The following AKR1C3 variants were observed in gnomAD, a reference collection of about 807,000 sequenced individuals.
The protein encoded by AKR1C3 is aldo-keto reductase family 1 member C3.
In AKR1C3, 48 loss-of-function variants were observed where a neutral mutation model predicts 43.6. The observed-to-expected ratio is 1.10, with a 90% CI of 0.87 to 1.40. The LOEUF (loss-of-function observed/expected upper bound fraction) is 1.40. Among genes scored for constraint, AKR1C3 ranks in the 40% most tolerant of loss-of-function variants. AKR1C3 has a pLI of 0.00. For synonymous variants in AKR1C3, 162 were observed against 139.6 expected, an observed-to-expected ratio of 1.16 and a Z score of -1.13; for missense variants, 482 against 391.2, an observed-to-expected ratio of 1.23 and a Z score of -1.96.
At chr10:5,079,083 C>T (rs1838776288) in intron 1 of AKR1C3, among the ~76,000 whole-genome samples, 1 of 152,180 alleles carries the variant, frequency 6.6e-6, no homozygotes, top group East Asian at 1.9e-4. Context: ...TGTACTTGTT[C>T]TGAGTTGCAC....
rs782149958 is a variant in AKR1C3 at position 5,096,461 on chromosome 10, T to A, written c.136T>A (p.Phe46Ile). 1.2e-6 allele frequency: 2 copies of A among 1,613,796 alleles called. No homozygotes were observed. The highest frequency in any genetic ancestry group is 1.7e-6 in the Non-Finnish European group (2 of 1,179,734). Reference protein sequence around the residue: ...EVTKLAIEAGFRHIDSAHLYN... With the variant: ...EVTKLAIEAGIRHIDSAHLYN... The stretch of plus-strand genomic sequence containing the variant: ...CACAAAATTAGCAATAGAAGCTGGG[T>A]TCCGCCATATAGATTCTGCTCATTT... The change falls in exon 2 of 9, where the codon TTC becomes ATC. Residue 46 changes from phenylalanine (F) to isoleucine (I), a missense_variant. Coordinates refer to ENST00000380554, the MANE Select transcript of AKR1C3 (RefSeq NM_003739.6).
chr10:5,082,583 TGGTGTAATCATGTTC>T (rs1161175180), intron 1 of AKR1C3, among the ~76,000 whole-genome samples: 1 of 152,158 alleles, frequency 6.6e-6, no homozygotes, highest in Admixed American at 6.6e-5. Context: ...TGGTGAATCG[TGGTGTAATCATGTTC>T]AGTGATTTGT....
intron 1 of AKR1C3, among the ~76,000 whole-genome samples, chr10:5,087,136 A>T (rs1174932342): frequency 1.3e-5 from 2 of 152,168 alleles, no homozygotes; most frequent in East Asian, 1.9e-4. Context: ...ATTTTGCTCG[A>T]TAGTTGATGC....
upstream of AKR1C3, among the ~76,000 whole-genome samples, chr10:5,090,488 T>C (rs1339469238): frequency 1.3e-5 from 2 of 152,258 alleles, no homozygotes; most frequent in African/African-American, 4.8e-5. Context: ...AAAAAACTAC[T>C]GTCCCATAGC....
intron 1 of AKR1C3, among the ~76,000 whole-genome samples, chr10:5,052,459 G>T (rs995262879): frequency 6.6e-6 from 1 of 152,046 alleles, no homozygotes; most frequent in Non-Finnish European, 1.5e-5. Context: ...TTGTTCCATT[G>T]TACAGAGAGC....
chr10:5,048,794 G>A, upstream of AKR1C3: 2 of 1,611,210 alleles, frequency 1.2e-6, no homozygotes, highest in African/African-American at 1.3e-5. Context: ...ACATTTGCTA[G>A]CCAGCTGAGT....
chr10:5,077,742 AG>A, intron 1 of AKR1C3: 1 of 1,168,622 alleles, frequency 8.6e-7, no homozygotes, highest in Non-Finnish European at 1.1e-6. Context: ...AGAAAAAAAA[AG>A]GTGCAGCTCA....
chr10:5,061,520 G>T (rs192251151), intron 1 of AKR1C3, among the ~76,000 whole-genome samples: 1 of 152,188 alleles, frequency 6.6e-6, no homozygotes, highest in Non-Finnish European at 1.5e-5. Context: ...ATATGGAAGA[G>T]GTTTAGAAGG....
chr10:5,106,587 CTAAAAATA>C (rs1200459541), intron 8 of AKR1C3, among the ~76,000 whole-genome samples: 25 of 152,142 alleles, frequency 1.6e-4, no homozygotes, highest in African/African-American at 6.0e-4. Flanking sequence ...CCTGTCTCTA[CTAAAAATA>C]TAAAAATTAG....
At chr10:5,099,683 G>C in intron 5 of AKR1C3, 1 of 653,000 alleles carries the variant, frequency 1.5e-6, no homozygotes, top group Non-Finnish European at 2.4e-6. Context: ...TTTAGGGGAG[G>C]TCCATTTGAT....
chr10:5,058,441 G>C (rs1838308802), intron 1 of AKR1C3, among the ~76,000 whole-genome samples: 1 of 152,172 alleles, frequency 6.6e-6, no homozygotes, highest in African/African-American at 2.4e-5. Flanking sequence ...CTCTTTTTCA[G>C]GGTTTGTGGG....
chr10:5,060,673 T>C (rs903309909), intron 1 of AKR1C3, among the ~76,000 whole-genome samples: 4 of 152,216 alleles, frequency 2.6e-5, no homozygotes, highest in Non-Finnish European at 4.4e-5. Context: ...CTTCCAATCC[T>C]GTGCCATGTG....
intron 1 of AKR1C3, among the ~76,000 whole-genome samples, chr10:5,051,703 G>T (rs1265448788): frequency 1.3e-5 from 2 of 152,178 alleles, no homozygotes; most frequent in Admixed American, 1.3e-4. Context: ...TTCTACCAGA[G>T]GCCCTGTGTG....
intron 1 of AKR1C3, among the ~76,000 whole-genome samples, chr10:5,072,281 T>A (rs1178550657): frequency 6.6e-6 from 1 of 152,230 alleles, no homozygotes; most frequent in Admixed American, 6.5e-5. Flanking sequence ...GAGGAGAGTA[T>A]GTGACTGCAA....
chr10:5,073,939 A>C (rs1838659990), intron 1 of AKR1C3, among the ~76,000 whole-genome samples: 1 of 152,070 alleles, frequency 6.6e-6, no homozygotes, highest in South Asian at 2.1e-4. Flanking sequence ...GCTAAAGAAA[A>C]AAGTCAAGCT....
intron 1 of AKR1C3, among the ~76,000 whole-genome samples, chr10:5,067,776 T>G (rs565663369): frequency 6.6e-6 from 1 of 152,300 alleles, no homozygotes; most frequent in Admixed American, 6.5e-5. Context: ...TCCACACCAA[T>G]GTACTCAAAT....
At chr10:5,086,407 G>A (rs1564364550) in intron 1 of AKR1C3, among the ~76,000 whole-genome samples, 1 of 151,482 alleles carries the variant, frequency 6.6e-6, no homozygotes, top group Non-Finnish European at 1.5e-5. Flanking sequence ...TCTTAATCCT[G>A]AGTTCTAGTT....
At chr10:5,071,367 C>G (rs928711650) in intron 1 of AKR1C3, among the ~76,000 whole-genome samples, 4 of 152,184 alleles carry the variant, frequency 2.6e-5, no homozygotes, top group Non-Finnish European at 5.9e-5. Flanking sequence ...TCTATTCCCT[C>G]TCTACATAAT....
rs181021063 is a variant in AKR1C3 at position 5,051,226 on chromosome 10, G to A, written c.84+2331G>A. On this transcript the variant is annotated intron_variant, in intron 1 of 8. Coordinates refer to the AKR1C3 transcript ENST00000439082. ...TTCTCGTGTCTCAGCCTCCCAAGTA[G>A]TTGGAATTACAGGTGCCTGCCACCA... is the stretch of plus-strand genomic sequence containing the variant. 2.2e-3 allele frequency among the ~76,000 whole-genome samples: 341 copies of A among 152,206 alleles called. 1 individual carries two copies. Among genetic ancestry groups the A allele is most frequent in the Admixed American group, 9.2e-3 (141 of 15,282 alleles).
Sources: gnomAD v4.1 joint callset for allele counts (sites outside exome capture counted in the v4.1 genomes callset) on GRCh38, gnomAD v4.1.1 for gene constraint, MANE v1.5 for transcripts, NCBI Gene and HGNC (gene_info 2026-07-23, HGNC 2026-07-21) for gene names.